The following ARID3B variants were observed in gnomAD, a reference collection of about 807,000 sequenced individuals.
ARID3B encodes the protein AT-rich interaction domain 3B.
In ARID3B, 10 loss-of-function variants were observed where a neutral mutation model predicts 51.9. The ratio of observed to expected loss-of-function variants is 0.19; its 90% CI spans 0.12 to 0.33. ARID3B has a LOEUF of 0.33. Among genes scored for constraint, ARID3B ranks in the 10% least tolerant of loss-of-function variants. The probability of loss-of-function intolerance (pLI) is 1.00; values close to 1 mark genes in which losing one functional copy is unlikely to be tolerated. For synonymous variants in ARID3B, 205 were observed against 279.5 expected (o/e 0.73, Z 2.66); for missense variants, 483 against 716.3 (o/e 0.67, Z 3.72).
At chr15:74,572,499 G>A (rs780902739) in intron 2 of ARID3B, among the ~76,000 whole-genome samples, 1 of 152,214 alleles carries the variant, frequency 6.6e-6, no homozygotes, top group African/African-American at 2.4e-5. Flanking sequence ...GCATCTCAGA[G>A]TGATGGCTTC....
intron 2 of ARID3B, among the ~76,000 whole-genome samples, chr15:74,567,152 G>A (rs1172924688): frequency 1.3e-5 from 2 of 152,036 alleles, no homozygotes; most frequent in Non-Finnish European, 2.9e-5. Context: ...GGTATTCAAG[G>A]CATCTCACAG....
At chr15:74,578,272 C>T (rs2061745661) in intron 4 of ARID3B, among the ~76,000 whole-genome samples, 1 of 151,740 alleles carries the variant, frequency 6.6e-6, no homozygotes, top group African/African-American at 2.4e-5. Flanking sequence ...CTCCTGGGTT[C>T]AAGCTATTCT....
chr15:74,581,754 G>T (rs771592510), intron 4 of ARID3B, among the ~76,000 whole-genome samples: 6 of 152,170 alleles, frequency 3.9e-5, no homozygotes, highest in Non-Finnish European at 8.8e-5. Flanking sequence ...TGCTTTTGTC[G>T]TTAAATTCAG....
chr15:74,566,786 A>T (rs1308019563), intron 2 of ARID3B, among the ~76,000 whole-genome samples: 1 of 152,176 alleles, frequency 6.6e-6, no homozygotes, highest in East Asian at 1.9e-4. Context: ...AAAAAAGAGC[A>T]TAATTGCATT....
rs879449215 is a variant in ARID3B at position 74,583,198 on chromosome 15, TA to T, written c.698-6611del. On this transcript the variant is annotated intron_variant, in intron 4 of 8. Transcript: ENST00000346246. Reference sequence around the variant, plus strand: ...CTGGGCTACAGAGTGAGACTCCACCTAAAAAAAAAAAGTTGTGAACTACTGC... The same window carrying T: ...CTGGGCTACAGAGTGAGACTCCACCTAAAAAAAAAAGTTGTGAACTACTGC... Among the ~76,000 whole-genome samples the T allele has an allele frequency of 4.9e-4, 71 of 145,692 alleles. 1 individual carries two copies. The highest frequency in any genetic ancestry group is 3.6e-3 in the Middle Eastern group (1 of 278).
chr15:74,570,941 G>A (rs1314595069), intron 2 of ARID3B, among the ~76,000 whole-genome samples: 1 of 152,136 alleles, frequency 6.6e-6, no homozygotes, highest in Non-Finnish European at 1.5e-5. Flanking sequence ...TGCTGAAGGT[G>A]CTGTAGGAAG....
chr15:74,580,258 T>C (rs1378245147), intron 4 of ARID3B, among the ~76,000 whole-genome samples: 1 of 152,234 alleles, frequency 6.6e-6, no homozygotes, highest in Non-Finnish European at 1.5e-5. Context: ...ATTGTCTGGC[T>C]AATTTAACTC....
intron 4 of ARID3B, among the ~76,000 whole-genome samples, chr15:74,582,620 T>C (rs1189139385): frequency 3.3e-5 from 5 of 152,198 alleles, no homozygotes; most frequent in African/African-American, 1.2e-4. Context: ...TCCCATGCAT[T>C]ACAGCTGGGA....
At chr15:74,583,197 C>T (rs560755777) in intron 4 of ARID3B, among the ~76,000 whole-genome samples, 109 of 151,220 alleles carry the variant, frequency 7.2e-4, no homozygotes, top group Non-Finnish European at 1.2e-3. Context: ...GAGACTCCAC[C>T]TAAAAAAAAA....
intron 2 of ARID3B, among the ~76,000 whole-genome samples, chr15:74,564,958 A>G (rs1341318192): frequency 2.0e-5 from 3 of 152,144 alleles, no homozygotes; most frequent in Non-Finnish European, 2.9e-5. Context: ...GAGTTTGCTT[A>G]AATCCTTGAC....
intron 2 of ARID3B, among the ~76,000 whole-genome samples, chr15:74,553,627 C>A (rs2141449820): frequency 6.6e-6 from 1 of 152,268 alleles, no homozygotes; most frequent in South Asian, 2.1e-4. Context: ...GGGAAACGAG[C>A]ATGGTATCAA....
intron 2 of ARID3B, among the ~76,000 whole-genome samples, chr15:74,565,740 T>G (rs887703192): frequency 1.4e-4 from 22 of 152,090 alleles, no homozygotes; most frequent in Non-Finnish European, 2.9e-4. Flanking sequence ...TTTTGTTTTT[T>G]TTTTTTTTAA....
intron 4 of ARID3B, among the ~76,000 whole-genome samples, chr15:74,584,049 CT>C (rs2061771345): frequency 6.6e-6 from 1 of 152,074 alleles, no homozygotes; most frequent in South Asian, 2.1e-4. Flanking sequence ...CCTATTAAAA[CT>C]TTTGTTAGAG....
intron 2 of ARID3B, among the ~76,000 whole-genome samples, chr15:74,562,040 TAAAA>T: frequency 8.0e-6 from 1 of 125,490 alleles, no homozygotes. Context: ...GACTCTGTCT[TAAAA>T]AAAAAAAAAA....
intron 8 of ARID3B, among the ~76,000 whole-genome samples, chr15:74,594,356 G>A (rs1339768822): frequency 2.0e-5 from 3 of 152,200 alleles, no homozygotes; most frequent in East Asian, 1.9e-4. Context: ...GCTGAGGCAG[G>A]AGAATGGCGT....
chr15:74,593,984 A>C (rs1414137676), intron 8 of ARID3B, among the ~76,000 whole-genome samples: 1 of 151,870 alleles, frequency 6.6e-6, no homozygotes, highest in East Asian at 1.9e-4. Context: ...TCGAGGCTGC[A>C]GTAAGCCGTG....
Position 74,595,731 on chromosome 15 carries a change from G to C in ARID3B, c.1640G>C (p.Arg547Pro). The change falls in exon 9 of 9, where the codon CGG (arginine) becomes CCG (proline). Residue 547 changes from arginine (R) to proline (P), a missense_variant. Arg to Pro is a moderately radical substitution (Grantham distance 103). Transcript: ENST00000346246. ...SHCSPSPTSSRGTPSAEPSTS... is the reference protein window; with the variant it reads ...SHCSPSPTSSPGTPSAEPSTS... ...TGTTCACCAAGTCCTACCTCATCCC[G>C]GGGCACCCCCAGCGCAGAGCCCTCC... 6.2e-7 allele frequency: 1 copy of C among 1,611,950 alleles called. No homozygotes were observed. The highest frequency in any genetic ancestry group is 8.5e-7 in the Non-Finnish European group (1 of 1,178,678).
At chr15:74,590,038 G>A (rs765770567) in intron 5 of ARID3B, 35 bp downstream of exon 5, 1 of 1,556,904 alleles carries the variant, frequency 6.4e-7, no homozygotes, top group Admixed American at 1.9e-5. Context: ...GGAAGCTGAG[G>A]CTGGAGAAAG....
chr15:74,571,000 G>A (rs2061717343), intron 2 of ARID3B, among the ~76,000 whole-genome samples: 1 of 152,160 alleles, frequency 6.6e-6, no homozygotes, highest in Non-Finnish European at 1.5e-5. Context: ...TGGTCAGATA[G>A]CATTTACCAA....
Sources: allele counts gnomAD v4.1 joint callset (sites outside exome capture counted in the v4.1 genomes callset), GRCh38; gene constraint gnomAD v4.1.1; transcripts MANE v1.5; gene names NCBI Gene and HGNC (gene_info 2026-07-23, HGNC 2026-07-21).